The following PRR12 variants were observed in gnomAD, a reference collection of about 807,000 sequenced individuals.
The protein encoded by PRR12 is proline rich 12.
PRR12 carries 12 observed loss-of-function variants against 138.0 expected under a neutral mutation model. The observed-to-expected ratio is 0.09, with a 90% CI of 0.06 to 0.14. The LOEUF (loss-of-function observed/expected upper bound fraction) is 0.14. Among genes scored for constraint, PRR12 ranks in the 10% least tolerant of loss-of-function variants. The probability of loss-of-function intolerance (pLI) is 1.00; values close to 1 mark genes in which losing one functional copy is unlikely to be tolerated. For synonymous variants in PRR12, 1,567 were observed against 1,291.7 expected (o/e 1.21, Z -4.57); for missense variants, 2,692 against 2,861.3 (o/e 0.94, Z 1.35).
At chr19:49,600,820 G>A (rs775120521) in intron 5 of PRR12, among the ~76,000 whole-genome samples, 12 of 152,124 alleles carry the variant, frequency 7.9e-5, no homozygotes, top group Admixed American at 2.6e-4. Context: ...TGCCTTCCAG[G>A]TTCAAGTGAT....
intron 9 of PRR12, among the ~76,000 whole-genome samples, chr19:49,619,339 G>A (rs1182154759): frequency 6.7e-6 from 1 of 148,304 alleles, no homozygotes; most frequent in Non-Finnish European, 1.5e-5. Flanking sequence ...GGGTTCAAGC[G>A]ATTCTCCTGC....
Position 49,601,676 on chromosome 19 carries a change from T to A in PRR12, c.4531T>A (p.Ser1511Thr). The A allele has an allele frequency of 6.5e-7, 1 of 1,536,162 alleles. No homozygotes were observed. The change falls in exon 6 of 14, where the codon TCG (serine) becomes ACG (threonine). Residue 1511 changes from serine to threonine, a missense_variant. Transcript: ENST00000418929. ...GCCGCCACCTCCACCAGCCATGCCCTCGCCTCCACCACCACCCCCACCAGC... is the reference window on the plus strand; with the variant it reads ...GCCGCCACCTCCACCAGCCATGCCCACGCCTCCACCACCACCCCCACCAGC... ...LPPPPPPAMP[S>T]PPPPPPPAAA...
rs543393063 is a variant in PRR12, at chr19:49,601,831, C to T, written c.4686C>T (p.Asp1562=). The T allele has an allele frequency of 4.2e-5, 68 of 1,612,754 alleles. No individual in the cohort carries two copies. The highest frequency in any genetic ancestry group is 1.5e-4 in the South Asian group (14 of 91,010). Reference sequence around the variant, plus strand: ...CGGCGGCAGTGTGTGGGGAGACGGACGAGGAGGCCGGCGAGAGTGGCGGAG... The same window carrying T: ...CGGCGGCAGTGTGTGGGGAGACGGATGAGGAGGCCGGCGAGAGTGGCGGAG... ...QETAAVCGET[D]EEAGESGGEG... The change falls in exon 6 of 14, where the codon GAC becomes GAT. Residue 1562 remains aspartate (D), a synonymous_variant. Coordinates refer to ENST00000418929, the MANE Select transcript of PRR12 (RefSeq NM_020719.3).
At chr19:49,593,827 T>C (rs1187341017) in intron 2 of PRR12, among the ~76,000 whole-genome samples, 3 of 152,170 alleles carry the variant, frequency 2.0e-5, no homozygotes, top group Non-Finnish European at 4.4e-5. Flanking sequence ...TTGGCTCTAA[T>C]TCTCTGGCCC....
rs2080891436 is a variant in PRR12, at chr19:49,616,068, C to T, written c.5346C>T (p.Pro1782=). The T allele has an allele frequency of 1.3e-6, 2 of 1,565,308 alleles. No individual in the cohort carries two copies. The highest frequency in any genetic ancestry group is 1.7e-6 in the Non-Finnish European group (2 of 1,155,660). ...ATGQPATSRL[P]KARPTKVKAE... is the part of the protein sequence containing the mutation. Reference sequence around the variant, plus strand: ...GACAACCTGCCACATCCCGGCTGCCCAAAGCCCGGCCTACCAAGGTGAAGG... The same window carrying T: ...GACAACCTGCCACATCCCGGCTGCCTAAAGCCCGGCCTACCAAGGTGAAGG... The change falls in exon 9 of 14, where the codon CCC becomes CCT. Residue 1782 remains proline, a synonymous_variant. Transcript: ENST00000418929. This position sits in a 1 kb window ranked among gnomAD's most constrained non-coding sequence, Gnocchi z 4.2.
At chr19:49,591,949 G>A (rs2080730903) in intron 1 of PRR12, among the ~76,000 whole-genome samples, 1 of 152,162 alleles carries the variant, frequency 6.6e-6, no homozygotes, top group Admixed American at 6.5e-5. Flanking sequence ...GCATGCAAAG[G>A]GAGAATTGCA....
intron 11 of PRR12, among the ~76,000 whole-genome samples, chr19:49,623,815 T>TTCTGGGGTAGATGGTTAGGATGGGGCC: frequency 7.6e-6 from 1 of 131,632 alleles, no homozygotes; most frequent in Non-Finnish European, 1.6e-5. Context: ...AGGATGGGGC[T>TTCTGGGGTAGATGGTTAGGATGGGGCC]GGGAATTCTG....
At chr19:49,613,373 C>T (rs1339418035) in intron 6 of PRR12, among the ~76,000 whole-genome samples, 5 of 151,290 alleles carry the variant, frequency 3.3e-5, no homozygotes, top group Non-Finnish European at 7.4e-5. Context: ...CTCCTCTAGG[C>T]TTCTGTAGTG....
Position 49,595,525 on chromosome 19 carries a change from G to C in PRR12, c.1190G>C (p.Gly397Ala). The change falls in exon 4 of 14, where the codon GGA (glycine) becomes GCA (alanine). Residue 397 changes from glycine (G) to alanine (A), a missense_variant. Physicochemically the swap from Gly to Ala is moderately conservative, Grantham distance 60 (BLOSUM62 0). Coordinates refer to ENST00000418929, the MANE Select transcript of PRR12 (RefSeq NM_020719.3). ...PGYKTGKGGY[G>A]AAAGGATRPP... ...TACAAGACGGGCAAAGGTGGTTATGGAGCAGCTGCCGGGGGTGCCACCAGG... is the reference window on the plus strand; with the variant it reads ...TACAAGACGGGCAAAGGTGGTTATGCAGCAGCTGCCGGGGGTGCCACCAGG... 6.4e-7 allele frequency: 1 copy of C among 1,572,362 alleles called. No homozygotes were observed. The highest frequency in any genetic ancestry group is 1.2e-5 in the South Asian group (1 of 85,900).
At chr19:49,612,605 G>C (rs1050534010) in intron 6 of PRR12, among the ~76,000 whole-genome samples, 17 of 152,088 alleles carry the variant, frequency 1.1e-4, no homozygotes, top group African/African-American at 4.1e-4. Flanking sequence ...GGGAGTGGGA[G>C]GGGGCAGAGG....
chr19:49,619,773 C>T (rs2080912028), intron 9 of PRR12, among the ~76,000 whole-genome samples: 1 of 151,258 alleles, frequency 6.6e-6, no homozygotes, highest in Non-Finnish European at 1.5e-5. Flanking sequence ...AATTCCCGAC[C>T]TCAGGTGATC....
In PRR12 at chr19:49,599,292, G is replaced by A; in HGVS notation, c.3699G>A (p.Lys1233=). 1.9e-6 allele frequency: 3 copies of A among 1,606,492 alleles called. No homozygotes were observed. The highest frequency in any genetic ancestry group is 2.6e-6 in the Non-Finnish European group (3 of 1,175,716). Reference sequence around the variant, plus strand: ...TCTAGATCAAGCTGTCTGTGCCCAAGGCTGGCGAGGGTCTGGGAACCTCAT... The same window carrying A: ...TCTAGATCAAGCTGTCTGTGCCCAAAGCTGGCGAGGGTCTGGGAACCTCAT... ...KPLKIKLSVP[K]AGEGLGTSSG... The change falls in exon 5 of 14, where the codon AAG becomes AAA. Residue 1233 remains lysine (K), a synonymous_variant. Coordinates refer to ENST00000418929, the MANE Select transcript of PRR12 (RefSeq NM_020719.3). This position sits in a 1 kb window ranked among gnomAD's most constrained non-coding sequence, Gnocchi z 5.0.
At position 49,594,442 on chromosome 19, in the gene PRR12, G is replaced by T; in HGVS notation, c.200-12G>T. 6.4e-7 allele frequency: 1 copy of T among 1,566,092 alleles called. No homozygotes were observed. The highest frequency in any genetic ancestry group is 1.2e-5 in the South Asian group (1 of 83,158). ...CCCCACCTGGCTGACTATAACCCCT[G>T]TCCCCGGCCAGGCCTCTCTGGACTC... is the stretch of plus-strand genomic sequence containing the variant. On this transcript the variant is annotated splice_polypyrimidine_tract_variant and intron_variant, in intron 2 of 13. Transcript: ENST00000418929. This position sits in a 1 kb window ranked among gnomAD's most constrained non-coding sequence, Gnocchi z 5.6.
rs1446989585 is a variant in PRR12 at position 49,615,012 on chromosome 19, A to AC, written c.5024+5dup. 6.2e-7 allele frequency: 1 copy of AC among 1,613,780 alleles called. No homozygotes were observed. Among genetic ancestry groups the AC allele is most frequent in the African/African-American group, 1.3e-5 (1 of 74,922 alleles). On this transcript the variant is annotated splice_donor_region_variant and intron_variant, in intron 8 of 13. Coordinates refer to ENST00000418929, the MANE Select transcript of PRR12 (RefSeq NM_020719.3). ...CATCGGCCCCCAGTGCCAGTCAGGT[A>AC]CCAACCATGGGGGACACAGGGGCAG...
intron 6 of PRR12, among the ~76,000 whole-genome samples, chr19:49,609,689 G>A (rs1178295015): frequency 6.6e-6 from 1 of 152,152 alleles, no homozygotes; most frequent in African/African-American, 2.4e-5. Flanking sequence ...AAGGCCCTGT[G>A]GTGAGGGAAA....
chr19:49,615,590 G>GTCAGAGTCCCAGAGAGGGAGAGGA, intron 8 of PRR12, among the ~76,000 whole-genome samples, 157 bp from the exon 9 acceptor site: 1 of 110,438 alleles, frequency 9.1e-6, no homozygotes, highest in East Asian at 2.5e-4. Flanking sequence ...GAGGGAGGGG[G>GTCAGAGTCCCAGAGAGGGAGAGGA]TCAGAGTCCC....
intron 2 of PRR12, 85 bp downstream of exon 2, chr19:49,593,524 C>T: frequency 1.5e-6 from 1 of 678,418 alleles, no homozygotes; most frequent in Non-Finnish European, 2.6e-6. Context: ...TTCCGCCCCT[C>T]CTAATTGGCC....
intron 1 of PRR12, among the ~76,000 whole-genome samples, chr19:49,593,059 G>C (rs989837952): frequency 1.1e-4 from 17 of 152,216 alleles, no homozygotes; most frequent in African/African-American, 3.9e-4. Flanking sequence ...CTGTGTGTTA[G>C]TCTCGTCTCT....
chr19:49,597,584 C>T lies in PRR12; in HGVS notation c.3249C>T (p.Arg1083=). The part of the protein sequence containing the change: ...LKTSSFHLLR[R]RDPPFQTPKK... ...CATCCTCCTTCCACCTGCTGCGGCG[C>T]CGCGACCCACCCTTCCAGACCCCCA... is the stretch of plus-strand genomic sequence containing the variant. The change falls in exon 4 of 14, where the codon CGC becomes CGT. Residue 1083 remains arginine (R), a synonymous_variant. Coordinates refer to ENST00000418929, the MANE Select transcript of PRR12 (RefSeq NM_020719.3). This position sits in a 1 kb window ranked among gnomAD's most constrained non-coding sequence, Gnocchi z 6.3. 1 of 1,606,878 alleles carries T rather than the reference C, an allele frequency of 6.2e-7. No homozygotes were observed.
Sources: allele counts gnomAD v4.1 joint callset (sites outside exome capture counted in the v4.1 genomes callset), GRCh38; gene constraint gnomAD v4.1.1; non-coding constraint Gnocchi (gnomAD v3.1); transcripts MANE v1.5; gene names NCBI Gene and HGNC (gene_info 2026-07-23, HGNC 2026-07-21).